CAMK1D: variants seen among roughly 807,000 people sequenced by gnomAD.
CAMK1D encodes the protein calcium/calmodulin-dependent protein kinase type 1D.
A neutral mutation model predicts 47.7 loss-of-function variants in CAMK1D; 9 were observed. The observed-to-expected ratio is 0.19, with a 90% CI of 0.11 to 0.33. The LOEUF is 0.33. Among genes scored for constraint, CAMK1D ranks in the 10% least tolerant of loss-of-function variants. The pLI is 1.00. For missense variants in CAMK1D, 291 were observed against 488.7 expected (o/e 0.60, Z 3.81); for synonymous variants, 184 against 184.9 (o/e 0.99, Z 0.04).
At chr10:12,569,930 G>C (rs542484726) in intron 2 of CAMK1D, among the ~76,000 whole-genome samples, 1 of 152,154 alleles carries the variant, frequency 6.6e-6, no homozygotes, top group African/African-American at 2.4e-5. Context: ...GGCCGGGCAT[G>C]GTGGCTCACG....
Position 12,349,929 on chromosome 10 carries a change from G to A in CAMK1D, c.92+19G>A, listed in dbSNP as rs1837297565. On this transcript the variant is annotated intron_variant, in intron 1 of 10. Coordinates refer to ENST00000619168, the MANE Select transcript of CAMK1D (RefSeq NM_153498.4). ...TCGGAACGTAAGTGGGGACCGGGGA[G>A]GCGAGGGTGGAGGTGGCCGCGGCAG... 1.3e-6 allele frequency: 2 copies of A among 1,490,146 alleles called. No homozygotes were observed. The highest frequency in any genetic ancestry group is 2.0e-5 in the Admixed American group (1 of 50,960). 92.3% of individuals were successfully genotyped at this position (1,490,146 alleles called of 1,614,324 possible).
At chr10:12,504,946 C>A (rs1834825041) in intron 1 of CAMK1D, among the ~76,000 whole-genome samples, 1 of 152,310 alleles carries the variant, frequency 6.6e-6, no homozygotes, top group Admixed American at 6.5e-5. Flanking sequence ...TGAAGTGGTG[C>A]TGCTTAGAAA....
At chr10:12,523,120 G>C (rs1835491325) in intron 1 of CAMK1D, among the ~76,000 whole-genome samples, 4 of 151,246 alleles carry the variant, frequency 2.6e-5, no homozygotes, top group African/African-American at 7.3e-5. Flanking sequence ...GGGCGGCTGG[G>C]CAGAGACGCT....
At chr10:12,499,791 G>A (rs966350375) in intron 1 of CAMK1D, among the ~76,000 whole-genome samples, 1 of 152,134 alleles carries the variant, frequency 6.6e-6, no homozygotes, top group Non-Finnish European at 1.5e-5. Context: ...TACATAACAG[G>A]GTGTCTCTGC....
chr10:12,736,698 C>G (rs1835205323), intron 3 of CAMK1D, among the ~76,000 whole-genome samples: 1 of 113,054 alleles, frequency 8.8e-6, no homozygotes, highest in Admixed American at 1.1e-4. Context: ...TTTTTTTCTT[C>G]CTCCTGGGAT....
intron 2 of CAMK1D, among the ~76,000 whole-genome samples, chr10:12,610,283 T>C (rs1385781335): frequency 6.6e-6 from 1 of 152,158 alleles, no homozygotes; most frequent in Non-Finnish European, 1.5e-5. Flanking sequence ...GCAGGTAGCT[T>C]GATGTTTCCA....
At chr10:12,745,898 C>G (rs1292823860) in intron 3 of CAMK1D, among the ~76,000 whole-genome samples, 1 of 152,208 alleles carries the variant, frequency 6.6e-6, no homozygotes, top group Non-Finnish European at 1.5e-5. Flanking sequence ...GCTACTTTGC[C>G]TGGCTGACGA....
At chr10:12,647,145 CTTTTTTT>C (rs397693477) in intron 2 of CAMK1D, among the ~76,000 whole-genome samples, 1,049 of 76,822 alleles carry the variant, frequency 0.014, 23 homozygotes, top group African/African-American at 0.045. Flanking sequence ...CCAGGCTAGC[CTTTTTTT>C]TTTTTTTTTT....
At position 12,751,990 on chromosome 10, in the gene CAMK1D, T is replaced by G. The variant is rs563948225; in HGVS notation, c.300-8958T>G. 1.4e-3 allele frequency among the ~76,000 whole-genome samples: 206 copies of G among 152,148 alleles called. 3 individuals are homozygous for G. The highest frequency in any genetic ancestry group is 4.8e-3 in the African/African-American group (200 of 41,526). ...TTGGGTCTTTCTTGGATTATCTTTT[T>G]TTTTTTTTTGAGGTGGAGTCTTGCT... On this transcript the variant is annotated intron_variant, in intron 3 of 10. Transcript: ENST00000619168.
intron 2 of CAMK1D, among the ~76,000 whole-genome samples, chr10:12,571,605 C>A (rs1837330870): frequency 1.3e-5 from 2 of 152,124 alleles, no homozygotes; most frequent in Non-Finnish European, 2.9e-5. Flanking sequence ...GGAATCCTTG[C>A]TTCAGAAACC....
At chr10:12,458,880 CTTT>C (rs35804649) in intron 1 of CAMK1D, among the ~76,000 whole-genome samples, 10 of 120,672 alleles carry the variant, frequency 8.3e-5, no homozygotes, top group Non-Finnish European at 1.0e-4. Context: ...CCTTTCTTTC[CTTT>C]TTTTTTTTTT....
chr10:12,756,436 C>G (rs1030598708), intron 3 of CAMK1D, among the ~76,000 whole-genome samples: 1 of 152,244 alleles, frequency 6.6e-6, no homozygotes, highest in African/African-American at 2.4e-5. Context: ...GAGTTTTACT[C>G]GGTCCAGCAA....
At chr10:12,646,765 G>C (rs1052692235) in intron 2 of CAMK1D, among the ~76,000 whole-genome samples, 3 of 152,090 alleles carry the variant, frequency 2.0e-5, no homozygotes, top group African/African-American at 7.2e-5. Flanking sequence ...TCAATTATAG[G>C]ACATTACTCG....
intron 4 of CAMK1D, among the ~76,000 whole-genome samples, chr10:12,768,408 T>C (rs1207637173): frequency 6.6e-6 from 1 of 152,192 alleles, no homozygotes; most frequent in African/African-American, 2.4e-5. Context: ...AACCCAAGGT[T>C]CACCACAAAC....
chr10:12,761,888 A>G (rs904646992), intron 4 of CAMK1D, among the ~76,000 whole-genome samples: 9 of 152,164 alleles, frequency 5.9e-5, no homozygotes, highest in Non-Finnish European at 1.3e-4. Context: ...CCGTCTCAAA[A>G]AAAATAAATA....
At chr10:12,635,266 G>A (rs930625595) in intron 2 of CAMK1D, among the ~76,000 whole-genome samples, 2 of 152,132 alleles carry the variant, frequency 1.3e-5, no homozygotes, top group African/African-American at 4.8e-5. Context: ...TGTGTTGGAT[G>A]GTACCACTGA....
intron 3 of CAMK1D, among the ~76,000 whole-genome samples, chr10:12,686,788 T>C (rs576247088): frequency 6.6e-6 from 1 of 152,162 alleles, no homozygotes; most frequent in African/African-American, 2.4e-5. Context: ...TGTATACACT[T>C]GTACTATTTG....
intron 2 of CAMK1D, among the ~76,000 whole-genome samples, chr10:12,594,846 G>A (rs1838096786): frequency 6.6e-6 from 1 of 152,168 alleles, no homozygotes; most frequent in Admixed American, 6.5e-5. Flanking sequence ...AGTGGTTGAC[G>A]TAGGTGGGGC....
chr10:12,711,479 A>C (rs1833934499), intron 3 of CAMK1D, among the ~76,000 whole-genome samples: 1 of 152,118 alleles, frequency 6.6e-6, no homozygotes, highest in African/African-American at 2.4e-5. Context: ...TGCCTTTTGG[A>C]GTTTCAGAAT....
Sources: allele counts gnomAD v4.1 joint callset (sites outside exome capture counted in the v4.1 genomes callset), GRCh38; gene constraint gnomAD v4.1.1; transcripts MANE v1.5; gene names NCBI Gene and HGNC (gene_info 2026-07-23, HGNC 2026-07-21).